Variants in CYTH2 observed in about 807,000 individuals in gnomAD.
CYTH2 encodes cytohesin-2.
A neutral mutation model predicts 55.4 loss-of-function variants in CYTH2; 24 were observed. That is an observed-to-expected ratio of 0.43 (90% CI 0.31 to 0.61). The LOEUF is 0.61. Ranked by LOEUF, CYTH2 falls within the 20% of genes least tolerant of loss-of-function variation. CYTH2 has a pLI of 0.08. For missense variants in CYTH2, 378 were observed against 533.5 expected (o/e 0.71, Z 2.87); for synonymous variants, 221 against 209.6 (o/e 1.05, Z -0.47).
chr19:48,470,240 A>G (rs1971762579), intron 1 of CYTH2, 113 bp from the exon 2 acceptor site: 5 of 1,429,578 alleles, frequency 3.5e-6, no homozygotes, highest in Non-Finnish European at 4.7e-6. Flanking sequence ...TCTTCTGTGC[A>G]GACATAGGAA....
At position 48,478,144 on chromosome 19, in the gene CYTH2, C is replaced by T. The variant is rs1971957955; in HGVS notation, c.884C>T (p.Thr295Met). The T allele has an allele frequency of 2.5e-6, 4 of 1,613,876 alleles. No individual in the cohort carries two copies. Among genetic ancestry groups the T allele is most frequent in the South Asian group, 1.1e-5 (1 of 91,090 alleles). ...DNCLYYFEYT[T>M]DKEPRGIIPL... is the part of the protein sequence containing the mutation. Reference sequence around the variant, plus strand: ...TGCCTCTACTACTTTGAGTACACCACGGTGAGCGTGACCCGACCCGGGCTC... The same window carrying T: ...TGCCTCTACTACTTTGAGTACACCATGGTGAGCGTGACCCGACCCGGGCTC... The change falls in exon 9 of 12, where the codon ACG (threonine) becomes ATG (methionine). Residue 295 changes from threonine to methionine, a missense_variant and splice_region_variant. By Grantham distance (81) the Thr-to-Met change is moderately conservative. Coordinates refer to ENST00000452733, the MANE Select transcript of CYTH2 (RefSeq NM_004228.7).
At chr19:48,478,618 G>A in intron 11 of CYTH2, 26 bp downstream of exon 11, 1 of 1,526,210 alleles carries the variant, frequency 6.6e-7, no homozygotes. Flanking sequence ...TGGGCCTGAT[G>A]GAGGAGGGGC....
intron 3 of CYTH2, 81 bp downstream of exon 3, chr19:48,470,750 G>T: frequency 6.7e-6 from 10 of 1,499,522 alleles, no homozygotes; most frequent in Non-Finnish European, 9.3e-6. Context: ...CCAGAAGCGT[G>T]ATGGTGCCGG....
intron 3 of CYTH2, among the ~76,000 whole-genome samples, chr19:48,471,202 C>T (rs907883971): frequency 5.3e-5 from 7 of 132,502 alleles, no homozygotes; most frequent in African/African-American, 2.8e-4. Context: ...TGCTCTATCA[C>T]CCAGGCTGGA....
At position 48,470,480 on chromosome 19, in the gene CYTH2, G is replaced by A. The variant is rs751989393; in HGVS notation, c.147G>A (p.Gly49=). 4 of 1,613,898 alleles carry A rather than the reference G, an allele frequency of 2.5e-6. No individual in the cohort carries two copies. The African/African-American group carries it at 4.0e-5, about 16-fold the overall frequency. The change falls in exon 2 of 12, where the codon GGG becomes GGA. Residue 49 remains glycine, a synonymous_variant. Transcript: ENST00000452733. ...ELSEAMSEVE[G]LEANEGSKTL... is the part of the protein sequence containing the mutation. ...GTGAAGCCATGAGCGAGGTGGAGGG[G>A]CTGGAGGCCAATGAGGGCAGGTGAG...
In CYTH2 at chr19:48,479,991, G is replaced by C. The variant is rs1972017533; in HGVS notation, c.*781G>C. On this transcript the variant is annotated 3_prime_UTR_variant, in exon 12 of 12. Coordinates refer to ENST00000452733, the MANE Select transcript of CYTH2 (RefSeq NM_004228.7). ...CTCAAAGGATCAGCCTCCTTTGGAG[G>C]ACATTTTGTGTCAAGGATAGGGCTG... is the stretch of plus-strand genomic sequence containing the variant. The C allele has an allele frequency of 6.6e-6, 1 of 152,350 alleles. No homozygotes were observed. Among genetic ancestry groups the C allele is most frequent in the Non-Finnish European group, 1.5e-5 (1 of 68,134 alleles). The allele number at this position is 152,350 out of a possible 1,614,324, so 9.4% of individuals were successfully genotyped here.
intron 4 of CYTH2, chr19:48,472,680 T>TG (rs1971828191): frequency 1.8e-6 from 1 of 568,826 alleles, no homozygotes; most frequent in Non-Finnish European, 3.2e-6. Context: ...CTGGCAGTTG[T>TG]GGGGAAGCAT....
At chr19:48,473,008 C>T (rs1569088977) in intron 4 of CYTH2, 1 of 383,434 alleles carries the variant, frequency 2.6e-6, no homozygotes, top group East Asian at 5.4e-5. Context: ...GCATGGGGAT[C>T]ATTTGAGAGA....
rs990918245 is a variant in CYTH2 at position 48,470,321 on chromosome 19, A to C, written c.20-32A>C. The C allele has an allele frequency of 7.0e-6, 11 of 1,580,592 alleles. No individual in the cohort carries two copies. The African/African-American group carries it at 1.5e-4, about 21-fold the overall frequency. ...GGAATTCAGGCTCACGGCCCCTAGC[A>C]CTGACTTTTAAACCTTGACCCCGAT... is the stretch of plus-strand genomic sequence containing the variant. On this transcript the variant is annotated intron_variant, in intron 1 of 11. Transcript: ENST00000452733.
intron 8 of CYTH2, chr19:48,476,114 C>A (rs1476045273): frequency 4.3e-6 from 2 of 470,428 alleles, no homozygotes; most frequent in Non-Finnish European, 8.6e-6. Flanking sequence ...ACCACCTCAA[C>A]AGATGCCAGG....
At chr19:48,473,078 C>T (rs1408446045) in intron 4 of CYTH2, 3 of 559,362 alleles carry the variant, frequency 5.4e-6, no homozygotes, top group Non-Finnish European at 9.7e-6. Flanking sequence ...AAGGTCTGGC[C>T]TAAGCAGGGT....
intron 5 of CYTH2, chr19:48,473,690 G>T (rs768779667): frequency 3.8e-5 from 23 of 599,574 alleles, no homozygotes; most frequent in Non-Finnish European, 6.5e-5. Context: ...GACCTGTCTA[G>T]CGAACTTAGC....
chr19:48,478,762 G>A (rs1405207307), intron 11 of CYTH2, among the ~76,000 whole-genome samples, 170 bp downstream of exon 11: 1 of 146,930 alleles, frequency 6.8e-6, no homozygotes, highest in African/African-American at 2.6e-5. Flanking sequence ...TGGGTCTGAC[G>A]GAGGAGGGGC....
In CYTH2 at chr19:48,470,669, G is replaced by A; in HGVS notation, c.234G>A (p.Lys78=). 6.2e-7 allele frequency: 1 copy of A among 1,614,202 alleles called. No individual in the cohort carries two copies. Residue 78 remains lysine (K), a splice_region_variant and synonymous_variant, in exon 3 of 12, where the codon AAG becomes AAA. Transcript: ENST00000452733. The stretch of plus-strand genomic sequence containing the variant: ...AGAAGTTCAACATGGACCCCAAGAA[G>A]GTGCTTGGGGCCACAGGACTGGGAT... ...GRKKFNMDPK[K]GIQFLVENEL...
intron 5 of CYTH2, chr19:48,473,645 C>G: frequency 3.4e-6 from 2 of 596,134 alleles, no homozygotes; most frequent in South Asian, 4.1e-5. Flanking sequence ...CTCTGCAGAC[C>G]CGCTTACCTG....
intron 5 of CYTH2, 91 bp downstream of exon 5, chr19:48,473,469 A>G (rs1971845289): frequency 7.3e-7 from 1 of 1,376,702 alleles, no homozygotes; most frequent in Non-Finnish European, 1.0e-6. Context: ...AGAAAAAAAC[A>G]GAAACAAGCA....
intron 8 of CYTH2, chr19:48,476,262 AC>A (rs1193039857): frequency 2.0e-5 from 4 of 200,250 alleles, no homozygotes; most frequent in Admixed American, 1.2e-4. Flanking sequence ...ATATAATGAT[AC>A]CCCCCATCTC....
chr19:48,470,577 C>T, intron 2 of CYTH2, 26 bp from the exon 3 acceptor site: 1 of 1,614,186 alleles, frequency 6.2e-7, no homozygotes, highest in Non-Finnish European at 8.5e-7. Context: ...ACCCTCCACC[C>T]CCAACCCTGC....
At position 48,473,321 on chromosome 19, in the gene CYTH2, T is replaced by C. The variant is rs1186621409; in HGVS notation, c.377T>C (p.Leu126Pro). 1 of 1,614,140 alleles carries C rather than the reference T, an allele frequency of 6.2e-7. No homozygotes were observed. Among genetic ancestry groups the C allele is most frequent in the Non-Finnish European group, 8.5e-7 (1 of 1,179,992 alleles). Residue 126 changes from leucine (L) to proline (P), a missense_variant, in exon 5 of 12, where the codon CTC (leucine) becomes CCC (proline). Leu to Pro is a moderately conservative substitution (Grantham distance 98). Coordinates refer to ENST00000452733, the MANE Select transcript of CYTH2 (RefSeq NM_004228.7). The part of the protein sequence containing the change: ...GEREELNLAV[L>P]HAFVDLHEFT... ...AGGGAAGAACTGAACCTGGCAGTGC[T>C]CCATGCTTTTGTGGATCTGCATGAG...
Sources: allele counts gnomAD v4.1 joint callset (sites outside exome capture counted in the v4.1 genomes callset), GRCh38; gene constraint gnomAD v4.1.1; transcripts MANE v1.5; gene names NCBI Gene and HGNC (gene_info 2026-07-23, HGNC 2026-07-21).